The following IFT81 variants were observed in gnomAD, a reference collection of about 807,000 sequenced individuals.
IFT81 encodes the protein intraflagellar transport 81, also known as intraflagellar transport protein 81 homolog.
A neutral mutation model predicts 102.6 loss-of-function variants in IFT81; 72 were observed. That is an observed-to-expected ratio of 0.70 (90% CI 0.58 to 0.85). IFT81 has a LOEUF of 0.85. Among genes scored for constraint, IFT81 ranks in the 40% least tolerant of loss-of-function variants. The pLI is 0.00. For missense variants in IFT81, 723 were observed against 787.3 expected (o/e 0.92, Z 0.98); for synonymous variants, 237 against 242.7 (o/e 0.98, Z 0.22).
chr12:110,132,774 A>G, intron 5 of IFT81, 138 bp downstream of exon 5: 2 of 511,446 alleles, frequency 3.9e-6, no homozygotes, highest in Non-Finnish European at 7.1e-6. Flanking sequence ...TTGTGGGGGG[A>G]CCTTTGGTAG....
chr12:110,196,582 G>A (rs745306490), intron 14 of IFT81, among the ~76,000 whole-genome samples: 1 of 152,058 alleles, frequency 6.6e-6, no homozygotes, highest in Non-Finnish European at 1.5e-5. Flanking sequence ...CAGGGTAATA[G>A]CACATGCTTA....
chr12:110,170,571 C>T (rs184861571), intron 11 of IFT81, among the ~76,000 whole-genome samples: 178 of 152,300 alleles, frequency 1.2e-3, no homozygotes, highest in Non-Finnish European at 2.2e-3. Context: ...AAATCAGTCC[C>T]AATGATATGC....
intron 10 of IFT81, among the ~76,000 whole-genome samples, chr12:110,148,094 C>G (rs1895324933): frequency 6.6e-6 from 1 of 152,052 alleles, no homozygotes; most frequent in Admixed American, 6.6e-5. Flanking sequence ...AAGTTTGTCT[C>G]TTTTAATCCA....
At chr12:110,200,402 T>A (rs990937221) in intron 14 of IFT81, among the ~76,000 whole-genome samples, 2 of 152,194 alleles carry the variant, frequency 1.3e-5, no homozygotes, top group African/African-American at 2.4e-5. Context: ...TCTACACCCA[T>A]CTAAACATAG....
At chr12:110,131,647 C>T (rs954572858) in intron 4 of IFT81, among the ~76,000 whole-genome samples, 5 of 152,052 alleles carry the variant, frequency 3.3e-5, no homozygotes, top group African/African-American at 9.7e-5. Context: ...CTCACCTGGC[C>T]CATTCAACTA....
At chr12:110,203,715 C>CA in intron 14 of IFT81, 149 bp from the exon 15 acceptor site, 1 of 656,468 alleles carries the variant, frequency 1.5e-6, no homozygotes, top group Non-Finnish European at 2.8e-6. Context: ...TCATAATTCT[C>CA]AAATGTCTGG....
chr12:110,211,901 T>C (rs895471683), intron 18 of IFT81, among the ~76,000 whole-genome samples: 2 of 152,218 alleles, frequency 1.3e-5, no homozygotes, highest in African/African-American at 4.8e-5. Flanking sequence ...GGATGTCTAA[T>C]TTCATTGTTC....
intron 11 of IFT81, among the ~76,000 whole-genome samples, chr12:110,179,618 G>A (rs896293530): frequency 1.3e-5 from 2 of 149,952 alleles, no homozygotes; most frequent in African/African-American, 4.9e-5. Context: ...CTACTCTGGA[G>A]GCTGAGGCAG....
At chr12:110,155,601 C>T (rs1044263119) in intron 10 of IFT81, among the ~76,000 whole-genome samples, 12 of 152,076 alleles carry the variant, frequency 7.9e-5, no homozygotes, top group African/African-American at 2.4e-4. Context: ...TGTGAGCCAC[C>T]GCGCCCGGCC....
chr12:110,148,210 C>G (rs1351515088), intron 10 of IFT81, among the ~76,000 whole-genome samples: 1 of 152,036 alleles, frequency 6.6e-6, no homozygotes, highest in Non-Finnish European at 1.5e-5. Flanking sequence ...TTGTGTTTTA[C>G]TGATTGCAAC....
intron 11 of IFT81, among the ~76,000 whole-genome samples, chr12:110,171,119 T>C (rs1866575883): frequency 6.6e-6 from 1 of 152,216 alleles, no homozygotes; most frequent in Admixed American, 6.5e-5. Context: ...TAGCAGGACC[T>C]GAGGCCCCTA....
intron 11 of IFT81, among the ~76,000 whole-genome samples, chr12:110,167,148 TA>T (rs1196903600): frequency 6.6e-6 from 1 of 152,174 alleles, no homozygotes; most frequent in Non-Finnish European, 1.5e-5. Context: ...ATGCTACAGA[TA>T]TTTTTTTCTT....
At chr12:110,148,361 TA>T (rs1286461902) in intron 10 of IFT81, among the ~76,000 whole-genome samples, 1 of 152,168 alleles carries the variant, frequency 6.6e-6, no homozygotes, top group Non-Finnish European at 1.5e-5. Context: ...TTGGAAGTGA[TA>T]ATGCTCGGTT....
chr12:110,149,724 GT>G (rs1895415234), intron 10 of IFT81, among the ~76,000 whole-genome samples: 1 of 152,108 alleles, frequency 6.6e-6, no homozygotes, highest in Non-Finnish European at 1.5e-5. Context: ...ACTCTGCGTC[GT>G]TCTGCCAGTC....
At chr12:110,136,988 T>G in intron 8 of IFT81, 128 bp downstream of exon 8, 1 of 553,350 alleles carries the variant, frequency 1.8e-6, no homozygotes, top group East Asian at 3.2e-5. Flanking sequence ...GAACATCATT[T>G]CCTAGCTGGA....
chr12:110,150,397 T>C (rs1227031587), intron 10 of IFT81, among the ~76,000 whole-genome samples: 2 of 152,150 alleles, frequency 1.3e-5, no homozygotes, highest in Non-Finnish European at 2.9e-5. Context: ...GCAGCCATTG[T>C]TTTTAGGTCT....
chr12:110,145,671 G>T (rs970678237), intron 9 of IFT81, among the ~76,000 whole-genome samples: 3 of 149,984 alleles, frequency 2.0e-5, no homozygotes, highest in Non-Finnish European at 3.0e-5. Context: ...TCCTGACCTT[G>T]TGATCCACCC....
rs762168735 is a variant in IFT81 at position 110,203,857 on chromosome 12, A to G, written c.1558-7A>G. 3 of 1,599,546 alleles carry G rather than the reference A, an allele frequency of 1.9e-6. No homozygotes were observed. Among genetic ancestry groups the G allele is most frequent in the Admixed American group, 3.3e-5 (2 of 59,858 alleles). The stretch of plus-strand genomic sequence containing the variant: ...ACTTATTCAATCATTTTCCCTTTTT[A>G]TACTAGGAACTGACCCAGGAGTGTG... On this transcript the variant is annotated splice_polypyrimidine_tract_variant and splice_region_variant and intron_variant, in intron 14 of 18. Coordinates refer to ENST00000242591, the MANE Select transcript of IFT81 (RefSeq NM_014055.4).
chr12:110,200,024 A>G (rs1011145523), intron 14 of IFT81, among the ~76,000 whole-genome samples: 1 of 152,198 alleles, frequency 6.6e-6, no homozygotes, highest in Non-Finnish European at 1.5e-5. Flanking sequence ...AAGACTGACC[A>G]TTCCCAATTC....
Sources: allele counts gnomAD v4.1 joint callset (sites outside exome capture counted in the v4.1 genomes callset), GRCh38; gene constraint gnomAD v4.1.1; transcripts MANE v1.5; gene names NCBI Gene and HGNC (gene_info 2026-07-23, HGNC 2026-07-21).